The following MYCT1 variants were observed in gnomAD, a reference collection of about 807,000 sequenced individuals.
MYCT1 encodes the protein MYC target 1, also known as myc target protein 1.
Under a neutral mutation model 15.0 loss-of-function variants are expected in MYCT1, and 12 were observed. The observed-to-expected ratio is 0.80, with a 90% CI of 0.51 to 1.29. The LOEUF is 1.29. Among genes scored for constraint, MYCT1 ranks in the 50% most tolerant of loss-of-function variants. The pLI, the probability that MYCT1 is intolerant of heterozygous loss-of-function variation, is 0.00. For missense variants in MYCT1, 287 were observed against 279.1 expected, an observed-to-expected ratio of 1.03 and a Z score of -0.20; for synonymous variants, 104 against 102.7, an observed-to-expected ratio of 1.01 and a Z score of -0.07.
the MYCT1 span, among the ~76,000 whole-genome samples, chr6:152,731,590 A>G: frequency 6.6e-6 from 1 of 152,024 alleles, no homozygotes; most frequent in East Asian, 1.9e-4. Context: ...CTCATTGTTC[A>G]ATTCCCACCT....
the MYCT1 span, among the ~76,000 whole-genome samples, chr6:152,731,489 G>T: frequency 0.65 from 98,791 of 151,816 alleles, 32,629 homozygotes; most frequent in East Asian, 0.79. Flanking sequence ...TCATTTACAT[G>T]AGGTATATCT....
chr6:152,739,962 A>G, the MYCT1 span, among the ~76,000 whole-genome samples: 10,988 of 152,152 alleles, frequency 0.072, 636 homozygotes, highest in East Asian at 0.17. Context: ...TAGAATTCTT[A>G]ATTCAGAGTA....
chr6:152,720,357 G>C (rs1340351678), intron 1 of MYCT1, among the ~76,000 whole-genome samples: 2 of 152,062 alleles, frequency 1.3e-5, no homozygotes, highest in Non-Finnish European at 2.9e-5. Context: ...AGCCTGCCCA[G>C]ATTCAAGGGG....
At chr6:152,716,409 C>T (rs2129070026) in intron 1 of MYCT1, among the ~76,000 whole-genome samples, 1 of 152,198 alleles carries the variant, frequency 6.6e-6, no homozygotes, top group East Asian at 1.9e-4. Context: ...TGATTCTTAA[C>T]AACTGCAAAG....
At chr6:152,698,552 A>C (rs1224473867) in intron 1 of MYCT1, among the ~76,000 whole-genome samples, 2 of 152,012 alleles carry the variant, frequency 1.3e-5, no homozygotes, top group East Asian at 3.8e-4. Flanking sequence ...GGCTATTTTC[A>C]CTTATGTTGT....
downstream of MYCT1, among the ~76,000 whole-genome samples, chr6:152,728,882 G>T (rs1399956698): frequency 6.6e-6 from 1 of 152,006 alleles, no homozygotes; most frequent in African/African-American, 2.4e-5. Context: ...CTCTAGCCTG[G>T]GTGACAGAGT....
At chr6:152,734,161 T>C in the MYCT1 span, among the ~76,000 whole-genome samples, 4 of 152,122 alleles carry the variant, frequency 2.6e-5, no homozygotes, top group Non-Finnish European at 4.4e-5. Flanking sequence ...GATGATTGCT[T>C]TTAAGAGCAT....
At chr6:152,744,354 G>T in the MYCT1 span, among the ~76,000 whole-genome samples, 1 of 152,248 alleles carries the variant, frequency 6.6e-6, no homozygotes, top group Non-Finnish European at 1.5e-5. Context: ...TTTAAAACAT[G>T]CAGGCCTTCT....
chr6:152,741,649 A>G, the MYCT1 span, among the ~76,000 whole-genome samples: 1 of 152,182 alleles, frequency 6.6e-6, no homozygotes, highest in Non-Finnish European at 1.5e-5. Flanking sequence ...GAATTTAAAA[A>G]TTGTATGATT....
downstream of MYCT1, among the ~76,000 whole-genome samples, chr6:152,727,225 A>T (rs909930526): frequency 3.2e-5 from 4 of 125,838 alleles, no homozygotes; most frequent in African/African-American, 1.0e-4. Flanking sequence ...AAAAAAAAAA[A>T]ATATGGAAAG....
Position 152,722,643 on chromosome 6 carries a change from C to T in MYCT1, c.*390C>T, listed in dbSNP as rs949665651. 1.7e-5 allele frequency: 4 copies of T among 233,704 alleles called. No homozygotes were observed. Among genetic ancestry groups the T allele is most frequent in the African/African-American group, 9.2e-5 (4 of 43,638 alleles). The allele number at this position is 233,704 out of a possible 1,614,324, so 14.5% of individuals were successfully genotyped here. ...GTGACTAAAAAGAGAAAAAAAATCA[C>T]TGTGTCACTTTAAAGAAAAATCTTC... On this transcript the variant is annotated 3_prime_UTR_variant, in exon 2 of 2. Coordinates refer to ENST00000367245, the MANE Select transcript of MYCT1 (RefSeq NM_025107.3).
chr6:152,732,921 T>G, the MYCT1 span, among the ~76,000 whole-genome samples: 3 of 152,218 alleles, frequency 2.0e-5, no homozygotes, highest in Non-Finnish European at 4.4e-5. Flanking sequence ...GTTAAAACAT[T>G]AGCGCCTTCT....
At position 152,721,894 on chromosome 6, in the gene MYCT1, A is replaced by T. The variant is rs766598428; in HGVS notation, c.349A>T (p.Thr117Ser). Residue 117 changes from threonine (T) to serine (S), a missense_variant, in exon 2 of 2, where the codon ACC becomes TCC. Physicochemically the swap from Thr to Ser is moderately conservative, Grantham distance 58. Coordinates refer to ENST00000367245, the MANE Select transcript of MYCT1 (RefSeq NM_025107.3). The stretch of plus-strand genomic sequence containing the variant: ...AAGCAGGAGATCTAGGTCTTCTTAC[A>T]CCCACGGCCTCAACAGAACTGGATT... Reference protein sequence around the residue: ...SSSRRSRSSYTHGLNRTGFYR... With the variant: ...SSSRRSRSSYSHGLNRTGFYR... 6.2e-7 allele frequency: 1 copy of T among 1,614,004 alleles called. No homozygotes were observed. The highest frequency in any genetic ancestry group is 1.7e-5 in the Admixed American group (1 of 60,004).
chr6:152,733,108 G>T, the MYCT1 span, among the ~76,000 whole-genome samples: 6 of 150,622 alleles, frequency 4.0e-5, no homozygotes, highest in African/African-American at 1.5e-4. Flanking sequence ...TTGTTTTTTT[G>T]TTTCTTTGTT....
chr6:152,734,907 A>T, the MYCT1 span, among the ~76,000 whole-genome samples: 1 of 152,168 alleles, frequency 6.6e-6, no homozygotes, highest in Non-Finnish European at 1.5e-5. Flanking sequence ...TTGACTTCTT[A>T]AGTGTAAACT....
the MYCT1 span, among the ~76,000 whole-genome samples, chr6:152,734,300 A>G: frequency 2.6e-5 from 4 of 152,112 alleles, no homozygotes; most frequent in African/African-American, 9.7e-5. Context: ...CAGTCCTCCA[A>G]CTCTTCAGAA....
chr6:152,722,442 T>C lies in MYCT1; in HGVS notation c.*189T>C. On this transcript the variant is annotated 3_prime_UTR_variant, in exon 2 of 2. Coordinates refer to ENST00000367245, the MANE Select transcript of MYCT1 (RefSeq NM_025107.3). ...CTTCAAACACGTTTTCCCTTTTGTTTCAAAAAATGTAATATTTTCCCCCAA... is the reference window on the plus strand; with the variant it reads ...CTTCAAACACGTTTTCCCTTTTGTTCCAAAAAATGTAATATTTTCCCCCAA... The C allele has an allele frequency of 1.8e-6, 1 of 568,480 alleles. No individual in the cohort carries two copies. The highest frequency in any genetic ancestry group is 3.0e-6 in the Non-Finnish European group (1 of 338,016). 35.2% of individuals were successfully genotyped at this position (568,480 alleles called of 1,614,324 possible).
At position 152,722,147 on chromosome 6, in the gene MYCT1, G is replaced by T; in HGVS notation, c.602G>T (p.Ser201Ile). The stretch of plus-strand genomic sequence containing the variant: ...TCTCCCACCATCAGCACTTCCCACA[G>T]TCTGAGCCGTCCTGACTACTGGTCC... The part of the protein sequence containing the change: ...NISPTISTSH[S>I]LSRPDYWSSN... Residue 201 changes from serine (S) to isoleucine (I), a missense_variant, in exon 2 of 2, where the codon AGT becomes ATT. By Grantham distance (142) the Ser-to-Ile change is moderately radical (BLOSUM62 -2). Transcript: ENST00000367245. 6.2e-7 allele frequency: 1 copy of T among 1,614,126 alleles called. No homozygotes were observed. Among genetic ancestry groups the T allele is most frequent in the Non-Finnish European group, 8.5e-7 (1 of 1,180,026 alleles).
chr6:152,702,723 A>G (rs1175224929), intron 1 of MYCT1, among the ~76,000 whole-genome samples: 1 of 152,218 alleles, frequency 6.6e-6, no homozygotes, highest in Non-Finnish European at 1.5e-5. Flanking sequence ...ATTTGGAAAC[A>G]AATACTATGT....
Sources: allele counts gnomAD v4.1 joint callset (sites outside exome capture counted in the v4.1 genomes callset), GRCh38; gene constraint gnomAD v4.1.1; transcripts MANE v1.5; gene names NCBI Gene and HGNC (gene_info 2026-07-23, HGNC 2026-07-21).